Variants in SYNGR1 observed in about 807,000 individuals in gnomAD.
SYNGR1 encodes the protein synaptogyrin 1, also known as synaptogyrin-1.
SYNGR1 carries 14 observed loss-of-function variants against 26.1 expected under a neutral mutation model. The ratio of observed to expected loss-of-function variants is 0.54; its 90% CI spans 0.35 to 0.84. The LOEUF (loss-of-function observed/expected upper bound fraction) is 0.84, where lower values mean the gene tolerates loss of function less well. SYNGR1 is among the 40% of genes least tolerant of loss of function. SYNGR1 has a pLI of 0.01. For missense variants in SYNGR1, 319 were observed against 332.9 expected (o/e 0.96, Z 0.33); for synonymous variants, 141 against 150.1 (o/e 0.94, Z 0.44).
At chr22:39,370,420 G>A (rs1160136837) in intron 1 of SYNGR1, among the ~76,000 whole-genome samples, 2 of 152,040 alleles carry the variant, frequency 1.3e-5, no homozygotes, top group Non-Finnish European at 2.9e-5. Context: ...GTGAGCCACC[G>A]CGCCTGGCCT....
chr22:39,355,750 G>T (rs1001868523), intron 1 of SYNGR1, among the ~76,000 whole-genome samples: 1 of 152,224 alleles, frequency 6.6e-6, no homozygotes, highest in Non-Finnish European at 1.5e-5. Flanking sequence ...AGGTGTGGAG[G>T]CTCATGCCTG....
intron 1 of SYNGR1, among the ~76,000 whole-genome samples, chr22:39,351,636 A>T (rs1039150482): frequency 6.6e-6 from 1 of 152,246 alleles, no homozygotes; most frequent in Non-Finnish European, 1.5e-5. Flanking sequence ...CTGGCCTGGA[A>T]GGGCGAAGCC....
chr22:39,377,867 T>C (rs1486749623), intron 3 of SYNGR1: 1 of 1,491,608 alleles, frequency 6.7e-7, no homozygotes, highest in Non-Finnish European at 8.9e-7. Context: ...GCCTCCTTCA[T>C]TGATTCTTCA....
At chr22:39,373,484 C>T (rs776561910) in intron 1 of SYNGR1, among the ~76,000 whole-genome samples, 12 of 150,666 alleles carry the variant, frequency 8.0e-5, no homozygotes, top group African/African-American at 2.9e-4. Context: ...TTTTGTTTTG[C>T]TTTGTTTTGT....
At chr22:39,357,935 T>C (rs1331037380) in intron 1 of SYNGR1, among the ~76,000 whole-genome samples, 1 of 152,210 alleles carries the variant, frequency 6.6e-6, no homozygotes, top group Non-Finnish European at 1.5e-5. Context: ...CACCACCCCC[T>C]GCTCCACGGC....
At chr22:39,375,868 T>C in intron 2 of SYNGR1, 184 bp from the exon 3 acceptor site, 1 of 803,156 alleles carries the variant, frequency 1.2e-6, no homozygotes, top group South Asian at 1.5e-5. Flanking sequence ...TCTTCTCGCC[T>C]GCATCTTCTC....
In SYNGR1 at chr22:39,360,986, G is replaced by A. The variant is rs556536718; in HGVS notation, c.99+10877G>A. 1.5e-3 allele frequency among the ~76,000 whole-genome samples: 226 copies of A among 152,310 alleles called. 1 individual carries two copies. The highest frequency in any genetic ancestry group is 5.1e-3 in the African/African-American group (212 of 41,568). ...GGCCCCAACTATGGATGGACGTGGC[G>A]GGAACTGCACTGATCGGTCGTCCTT... On this transcript the variant is annotated intron_variant, in intron 1 of 3. Coordinates refer to ENST00000328933, the MANE Select transcript of SYNGR1 (RefSeq NM_004711.5).
At chr22:39,372,123 CTTTTTTTTTTT>C (rs71197177) in intron 1 of SYNGR1, among the ~76,000 whole-genome samples, 6 of 70,230 alleles carry the variant, frequency 8.5e-5, no homozygotes, top group East Asian at 5.2e-4. Context: ...TAGATCCATT[CTTTTTTTTTTT>C]TTTTTTTTTT....
intron 3 of SYNGR1, chr22:39,378,245 C>T (rs1925378900): frequency 9.8e-7 from 1 of 1,023,838 alleles, no homozygotes; most frequent in South Asian, 3.8e-5. Context: ...GTGCACCTCT[C>T]TCAGCCTCAG....
At position 39,350,143 on chromosome 22, in the gene SYNGR1, CG is replaced by C; in HGVS notation, c.99+38del. ...GGACTGGCCGACGGCTCTGCCAGGC[CG>C]GGGTGGTGGGGGTGTGAGCAAAGGC... is the stretch of plus-strand genomic sequence containing the variant. On this transcript the variant is annotated intron_variant, in intron 1 of 3. Transcript: ENST00000328933. The surrounding 1 kb of genome is among the most constrained non-coding windows in gnomAD (Gnocchi z 4.3). The C allele has an allele frequency of 4.4e-6, 6 of 1,367,258 alleles. No homozygotes were observed. Among genetic ancestry groups the C allele is most frequent in the African/African-American group, 1.5e-5 (1 of 66,126 alleles). The allele number at this position is 1,367,258 out of a possible 1,614,324, so 84.7% of individuals were successfully genotyped here.
At chr22:39,375,832 TC>T (rs1217449558) in intron 2 of SYNGR1, 4 of 662,254 alleles carry the variant, frequency 6.0e-6, no homozygotes, top group South Asian at 3.5e-5. Context: ...TGTGGCCTCC[TC>T]CCCCCTGCAT....
intron 1 of SYNGR1, among the ~76,000 whole-genome samples, chr22:39,366,653 T>A (rs954383374): frequency 3.3e-5 from 5 of 152,042 alleles, no homozygotes; most frequent in African/African-American, 1.2e-4. Flanking sequence ...CTCAAAAATA[T>A]ATATATATAT....
chr22:39,361,693 CA>C (rs1924477773), intron 1 of SYNGR1, among the ~76,000 whole-genome samples: 1 of 151,990 alleles, frequency 6.6e-6, no homozygotes, highest in Admixed American at 6.6e-5. Flanking sequence ...AGAGACCTCA[CA>C]GAACCTCAGT....
At chr22:39,376,490 A>G (rs1313220054) in intron 3 of SYNGR1, among the ~76,000 whole-genome samples, 1 of 151,902 alleles carries the variant, frequency 6.6e-6, no homozygotes. Flanking sequence ...CTCTGGGTAA[A>G]TGGTGTTTAT....
rs938982660 is a variant in SYNGR1, at chr22:39,373,312, G to T, written c.100-1004G>T. Among the ~76,000 whole-genome samples the T allele has an allele frequency of 2.8e-4, 43 of 151,990 alleles. No homozygotes were observed. The Middle Eastern group carries it at 0.017, about 61-fold the overall frequency. On this transcript the variant is annotated intron_variant, in intron 1 of 3. Coordinates refer to ENST00000328933, the MANE Select transcript of SYNGR1 (RefSeq NM_004711.5). ...GCCTCCCGAGTAGCTGGGATTACAG[G>T]CATCCGCCACCATGCCCAGCTAATT... is the stretch of plus-strand genomic sequence containing the variant.
intron 3 of SYNGR1, chr22:39,377,877 A>T (rs1230435933): frequency 1.4e-6 from 2 of 1,474,848 alleles, no homozygotes; most frequent in Non-Finnish European, 1.8e-6. Context: ...TTGATTCTTC[A>T]TGCGTTCATT....
At chr22:39,379,217 T>G (rs1309398619) in intron 3 of SYNGR1, among the ~76,000 whole-genome samples, 1 of 152,220 alleles carries the variant, frequency 6.6e-6, no homozygotes, top group Non-Finnish European at 1.5e-5. Context: ...GGCTACACCT[T>G]ATCCCTTAGC....
At chr22:39,373,176 T>C (rs998287524) in intron 1 of SYNGR1, among the ~76,000 whole-genome samples, 1 of 133,972 alleles carries the variant, frequency 7.5e-6, no homozygotes, top group African/African-American at 3.5e-5. Flanking sequence ...CATAGATAGA[T>C]TTTTTTTTTT....
rs1378021877 is a variant in SYNGR1, at chr22:39,381,848, C to T, written c.636C>T (p.Gly212=). ...GGCCGGATCCCGCCGGTATGGGCGG[C>T]ACCTACCAGCAGCCGGCCAACACCT... is the stretch of plus-strand genomic sequence containing the variant. ...PTGPDPAGMG[G]TYQQPANTFD... Residue 212 remains glycine, a synonymous_variant, in exon 4 of 4, where the codon GGC becomes GGT. Transcript: ENST00000328933. 6.2e-7 allele frequency: 1 copy of T among 1,612,960 alleles called. No individual in the cohort carries two copies. Among genetic ancestry groups the T allele is most frequent in the Non-Finnish European group, 8.5e-7 (1 of 1,179,886 alleles).
Sources: allele counts gnomAD v4.1 joint callset (sites outside exome capture counted in the v4.1 genomes callset), GRCh38; gene constraint gnomAD v4.1.1; non-coding constraint Gnocchi (gnomAD v3.1); transcripts MANE v1.5; gene names NCBI Gene and HGNC (gene_info 2026-07-23, HGNC 2026-07-21).